NDST3: variants seen among roughly 807,000 people sequenced by gnomAD.
NDST3 encodes the protein N-deacetylase and N-sulfotransferase 3, also known as bifunctional heparan sulfate N-deacetylase/N-sulfotransferase 3.
NDST3 carries 58 observed loss-of-function variants against 96.1 expected under a neutral mutation model. The observed-to-expected ratio is 0.60, with a 90% CI of 0.49 to 0.75. The LOEUF (loss-of-function observed/expected upper bound fraction) is 0.75, where lower values mean the gene tolerates loss of function less well. Ranked by LOEUF, NDST3 falls within the 30% of genes least tolerant of loss-of-function variation. NDST3 has a pLI of 0.00. For missense variants in NDST3, 788 were observed against 1,034.2 expected, an observed-to-expected ratio of 0.76 and a Z score of 3.27; for synonymous variants, 333 against 359.7, an observed-to-expected ratio of 0.93 and a Z score of 0.84.
At chr4:118,109,718 G>C (rs1482658485) in intron 3 of NDST3, among the ~76,000 whole-genome samples, 1 of 152,054 alleles carries the variant, frequency 6.6e-6, no homozygotes, top group Non-Finnish European at 1.5e-5. Context: ...AAATTAGATG[G>C]GATAAAAAGT....
intron 3 of NDST3, among the ~76,000 whole-genome samples, chr4:118,111,143 C>G (rs1730602357): frequency 1.3e-5 from 2 of 152,048 alleles, no homozygotes; most frequent in African/African-American, 4.8e-5. Context: ...GAGATGGCAA[C>G]AGTAGACACT....
At chr4:118,132,907 C>G (rs1304650964) in intron 4 of NDST3, among the ~76,000 whole-genome samples, 1 of 152,136 alleles carries the variant, frequency 6.6e-6, no homozygotes, top group Non-Finnish European at 1.5e-5. Context: ...GGTGCCCTCT[C>G]CTACTGTAGC....
In NDST3 at chr4:118,053,694, A is replaced by T. The variant is rs1035480372; in HGVS notation, c.-155-62A>T. On this transcript the variant is annotated intron_variant, in intron 1 of 13. Coordinates refer to ENST00000296499, the MANE Select transcript of NDST3 (RefSeq NM_004784.3). ...TCTGCCACTTATGCTAGTCAACAAGATAAAAACTTGCTTATTTTAATGCTG... is the reference window on the plus strand; with the variant it reads ...TCTGCCACTTATGCTAGTCAACAAGTTAAAAACTTGCTTATTTTAATGCTG... The T allele has an allele frequency of 2.1e-5, 10 of 485,004 alleles. 1 individual carries two copies. The Admixed American group carries it at 3.1e-4, about 15-fold the overall frequency. The allele number at this position is 485,004 out of a possible 1,614,324, so 30.0% of individuals were successfully genotyped here.
intron 6 of NDST3, among the ~76,000 whole-genome samples, chr4:118,173,159 T>TAC (rs1267532604): frequency 1.3e-5 from 2 of 151,858 alleles, no homozygotes; most frequent in African/African-American, 2.4e-5. Flanking sequence ...TGTGTGTATA[T>TAC]ATATATATGA....
At chr4:118,179,634 C>A (rs1013566824) in intron 6 of NDST3, among the ~76,000 whole-genome samples, 5 of 151,918 alleles carry the variant, frequency 3.3e-5, no homozygotes, top group African/African-American at 4.8e-5. Flanking sequence ...TATATGTATC[C>A]TTGGCTTAAA....
chr4:118,232,911 CT>C, intron 8 of NDST3, 100 bp from the exon 9 acceptor site: 1 of 1,139,908 alleles, frequency 8.8e-7, no homozygotes, highest in Non-Finnish European at 1.2e-6. Context: ...TGTAATAAAT[CT>C]GTTTGGATCA....
intron 8 of NDST3, among the ~76,000 whole-genome samples, chr4:118,228,515 T>C (rs1406532553): frequency 6.6e-6 from 1 of 152,250 alleles, no homozygotes; most frequent in Non-Finnish European, 1.5e-5. Flanking sequence ...AATTTGGATA[T>C]GGCATTTGTC....
At chr4:118,172,905 A>G (rs1276658098) in intron 6 of NDST3, among the ~76,000 whole-genome samples, 1 of 152,140 alleles carries the variant, frequency 6.6e-6, no homozygotes, top group African/African-American at 2.4e-5. Context: ...ACTCTTTCTA[A>G]AAGTCCATAG....
intron 11 of NDST3, among the ~76,000 whole-genome samples, chr4:118,241,502 A>G (rs1424176540): frequency 4.6e-5 from 2 of 43,694 alleles, no homozygotes; most frequent in African/African-American, 7.6e-5. Context: ...TGGCATAACA[A>G]GCAACTTCTT....
intron 12 of NDST3, among the ~76,000 whole-genome samples, chr4:118,252,847 C>T (rs769829568): frequency 2.6e-5 from 4 of 151,988 alleles, no homozygotes; most frequent in Admixed American, 2.0e-4. Flanking sequence ...GCCGAGATTG[C>T]GCCATTGCAC....
chr4:118,194,491 C>T, intron 6 of NDST3: 1 of 721,762 alleles, frequency 1.4e-6, no homozygotes, highest in Non-Finnish European at 2.6e-6. Flanking sequence ...TGTCCCAAGC[C>T]TTGTTGACCT....
intron 1 of NDST3, among the ~76,000 whole-genome samples, chr4:118,045,389 T>G (rs1724704475): frequency 6.6e-6 from 1 of 152,202 alleles, no homozygotes. Flanking sequence ...CTTGTCACTA[T>G]CTCTGCTTTA....
intron 13 of NDST3, among the ~76,000 whole-genome samples, chr4:118,255,215 T>C (rs1742038402): frequency 1.3e-5 from 2 of 152,222 alleles, no homozygotes. Context: ...CTTTTCAGGA[T>C]ATCCTTCCTT....
chr4:118,122,135 G>T (rs1352746764), intron 4 of NDST3, among the ~76,000 whole-genome samples: 1 of 152,148 alleles, frequency 6.6e-6, no homozygotes. Flanking sequence ...TGAAAATAGT[G>T]CCTTACTGTC....
rs532478505 is a variant in NDST3, at chr4:118,037,182, G to A, written c.-156+2590G>A. Among the ~76,000 whole-genome samples, 76 of 152,062 alleles carry A rather than the reference G, an allele frequency of 5.0e-4. 1 individual carries two copies. The highest frequency in any genetic ancestry group is 3.3e-4 in the Admixed American group (5 of 15,276). On this transcript the variant is annotated intron_variant, in intron 1 of 13. Coordinates refer to ENST00000296499, the MANE Select transcript of NDST3 (RefSeq NM_004784.3). The stretch of plus-strand genomic sequence containing the variant: ...TCAACATTTTAGAAATTGATCTGGA[G>A]GCCAGGACGAAGATAGATGAGAAAA...
chr4:118,178,155 G>A (rs1303479642), intron 6 of NDST3, among the ~76,000 whole-genome samples: 1 of 151,832 alleles, frequency 6.6e-6, no homozygotes, highest in Non-Finnish European at 1.5e-5. Flanking sequence ...GAATCTGGAT[G>A]TGTTATTTTA....
chr4:118,036,968 T>C (rs1373843242), intron 1 of NDST3, among the ~76,000 whole-genome samples: 3 of 151,522 alleles, frequency 2.0e-5, no homozygotes, highest in Non-Finnish European at 4.4e-5. Context: ...GTATCCATTT[T>C]ACATGTGTTT....
intron 10 of NDST3, 21 bp from the exon 11 acceptor site, chr4:118,240,503 T>G (rs746073281): frequency 6.4e-7 from 1 of 1,569,684 alleles, no homozygotes; most frequent in Non-Finnish European, 8.7e-7. Flanking sequence ...ATTAGTTTAA[T>G]TATCCACCTT....
chr4:118,129,903 C>T (rs1239886695), intron 4 of NDST3, among the ~76,000 whole-genome samples: 1 of 151,980 alleles, frequency 6.6e-6, no homozygotes, highest in Non-Finnish European at 1.5e-5. Flanking sequence ...TTGTTATATA[C>T]TATTACGGGG....
Sources: gnomAD v4.1 joint callset for allele counts (sites outside exome capture counted in the v4.1 genomes callset) on GRCh38, gnomAD v4.1.1 for gene constraint, MANE v1.5 for transcripts, NCBI Gene and HGNC (gene_info 2026-07-23, HGNC 2026-07-21) for gene names.